EMILIN1: variants seen among roughly 807,000 people sequenced by gnomAD.
EMILIN1 encodes the protein elastin microfibril interfacer 1, also known as EMILIN-1.
Under a neutral mutation model 82.4 loss-of-function variants are expected in EMILIN1, and 49 were observed. The observed-to-expected ratio is 0.59, with a 90% CI of 0.47 to 0.75. EMILIN1 has a LOEUF of 0.75. Ranked by LOEUF, EMILIN1 falls within the 30% of genes least tolerant of loss-of-function variation. The probability of loss-of-function intolerance (pLI) is 0.00; values close to 1 mark genes in which losing one functional copy is unlikely to be tolerated. For missense variants in EMILIN1, 1,313 were observed against 1,366.4 expected (o/e 0.96, Z 0.62); for synonymous variants, 604 against 602.2 (o/e 1.00, Z -0.04).
rs1339452602 is a variant in EMILIN1 at position 27,086,270 on chromosome 2, G to T, written c.*255G>T. ...TCCAGGGCCGGCCTGCGGAGGAGCC[G>T]ATCCTCGCACCCTCCGCTCCCTCCA... is the stretch of plus-strand genomic sequence containing the variant. On this transcript the variant is annotated 3_prime_UTR_variant, in exon 8 of 8. Coordinates refer to ENST00000380320, the MANE Select transcript of EMILIN1 (RefSeq NM_007046.4). The T allele has an allele frequency of 1.1e-5, 4 of 360,416 alleles. No individual in the cohort carries two copies. Among genetic ancestry groups the T allele is most frequent in the Non-Finnish European group, 2.0e-5 (4 of 201,896 alleles). The allele number at this position is 360,416 out of a possible 1,614,324, so 22.3% of individuals were successfully genotyped here. A position where few individuals can be genotyped will look rare whatever the true frequency, so the allele number is the denominator to read the frequency against.
Position 27,082,611 on chromosome 2 carries a change from G to A in EMILIN1, c.1040G>A (p.Arg347His), listed in dbSNP as rs746703619. ...CACCTCGCAGGGCTGGCGGTGGGCC[G>A]CAGGCCCCCTCAGGAATGCTGCTCT... Reference protein sequence around the residue: ...QRHLAGLAVGRRPPQECCSPE... With the variant: ...QRHLAGLAVGHRPPQECCSPE... The change falls in exon 4 of 8, where the codon CGC becomes CAC. Residue 347 changes from arginine (R) to histidine (H), a missense_variant. Coordinates refer to ENST00000380320, the MANE Select transcript of EMILIN1 (RefSeq NM_007046.4). 1.5e-5 allele frequency: 23 copies of A among 1,543,304 alleles called. No individual in the cohort carries two copies. The highest frequency in any genetic ancestry group is 1.2e-4 in the Admixed American group (6 of 51,126).
rs1669449867 is a variant in EMILIN1 at position 27,080,217 on chromosome 2, T to C, written c.237T>C (p.Tyr79=). 1.2e-6 allele frequency: 2 copies of C among 1,613,952 alleles called. No homozygotes were observed. Among genetic ancestry groups the C allele is most frequent in the African/African-American group, 1.3e-5 (1 of 74,924 alleles). The change falls in exon 2 of 8, where the codon TAT becomes TAC. Residue 79 remains tyrosine (Y), a synonymous_variant. Coordinates refer to ENST00000380320, the MANE Select transcript of EMILIN1 (RefSeq NM_007046.4). ...TCCTTGAGGATGGAGTGGAGACATA[T>C]GTCAAGTACCAGCCTTGTGCCTGGG... ...SCVLEDGVET[Y]VKYQPCAWGQ...
At position 27,086,160 on chromosome 2, in the gene EMILIN1, TC is replaced by T; in HGVS notation, c.*149del. ...GCGGCACCGCGCCCAGAGCGGCCTCTCCCCACGCCCGGGGCGCGCCGGCTCA... is the reference window on the plus strand; with the variant it reads ...GCGGCACCGCGCCCAGAGCGGCCTCTCCCACGCCCGGGGCGCGCCGGCTCA... On this transcript the variant is annotated 3_prime_UTR_variant, in exon 8 of 8. Coordinates refer to ENST00000380320, the MANE Select transcript of EMILIN1 (RefSeq NM_007046.4). 1.8e-6 allele frequency: 1 copy of T among 542,696 alleles called. No homozygotes were observed. The highest frequency in any genetic ancestry group is 2.8e-6 in the Non-Finnish European group (1 of 354,368). 33.6% of individuals were successfully genotyped at this position (542,696 alleles called of 1,614,324 possible).
At chr2:27,080,099 C>A in intron 1 of EMILIN1, 52 bp from the exon 2 acceptor site, 1 of 1,605,590 alleles carries the variant, frequency 6.2e-7, no homozygotes, top group Middle Eastern at 1.7e-4. Context: ...CTGGGCCCTC[C>A]TCCAGGGCAT....
rs148756951 is a variant in EMILIN1 at position 27,084,504 on chromosome 2, G to A, written c.2530G>A (p.Gly844Arg). 1.9e-6 allele frequency: 3 copies of A among 1,612,600 alleles called. No individual in the cohort carries two copies. Among genetic ancestry groups the A allele is most frequent in the South Asian group, 2.2e-5 (2 of 91,064 alleles). The change falls in exon 5 of 8, where the codon GGG (glycine) becomes AGG (arginine). Residue 844 changes from glycine to arginine, a missense_variant. By Grantham distance (125) the Gly-to-Arg change is moderately radical (BLOSUM62 -2). Coordinates refer to ENST00000380320, the MANE Select transcript of EMILIN1 (RefSeq NM_007046.4). ...ACCTCCAGGATCACCAGGCAAGGAC[G>A]GGCAAGAGGGCCCCATCGGGCCACC... is the stretch of plus-strand genomic sequence containing the variant. ...AGPPGSPGKDGQEGPIGPPGP... is the reference protein window; with the variant it reads ...AGPPGSPGKDRQEGPIGPPGP...
At position 27,082,899 on chromosome 2, in the gene EMILIN1, G is replaced by T; in HGVS notation, c.1328G>T (p.Arg443Leu). Residue 443 changes from arginine to leucine, a missense_variant, in exon 4 of 8, where the codon CGG becomes CTG. By Grantham distance (102) the Arg-to-Leu change is moderately radical (BLOSUM62 -2). Transcript: ENST00000380320. ...GGLSHWLPAA[R>L]GRLEQLGGLL... ...CTGAGCCACTGGCTGCCTGCTGCCC[G>T]GGGCCGACTAGAGCAGTTGGGGGGG... The T allele has an allele frequency of 6.3e-7, 1 of 1,596,134 alleles. No individual in the cohort carries two copies.
Position 27,083,943 on chromosome 2 carries a change from G to A in EMILIN1, c.2372G>A (p.Gly791Asp). 1 of 1,589,068 alleles carries A rather than the reference G, an allele frequency of 6.3e-7. No homozygotes were observed. The change falls in exon 4 of 8, where the codon GGT becomes GAT. Residue 791 changes from glycine (G) to aspartate (D), a missense_variant. Physicochemically the swap from Gly to Asp is moderately conservative, Grantham distance 94 (BLOSUM62 -1). Transcript: ENST00000380320. ...CAGGCGGGCCTGGGCAGGCGGCTGG[G>A]TGCCCTTAACAGCTCCCTGCAGCTC... is the stretch of plus-strand genomic sequence containing the variant. ...GGQAGLGRRLGALNSSLQLLE... is the reference protein window; with the variant it reads ...GGQAGLGRRLDALNSSLQLLE...
chr2:27,080,904 C>G lies in EMILIN1; in HGVS notation c.463C>G (p.Leu155Val), dbSNP rs776116264. The change falls in exon 3 of 8, where the codon CTC becomes GTC. Residue 155 changes from leucine to valine, a missense_variant. Transcript: ENST00000380320. ...CCTGGCCCGGCCTGCCCGCCCCAAC[C>G]TCTCTGGCTCCAGTGCAGGCAGCCC... ...RPLARPARPN[L>V]SGSSAGSPLS... The G allele has an allele frequency of 6.2e-7, 1 of 1,607,148 alleles. No individual in the cohort carries two copies. Among genetic ancestry groups the G allele is most frequent in the Non-Finnish European group, 8.5e-7 (1 of 1,177,110 alleles).
intron 2 of EMILIN1, 150 bp downstream of exon 2, chr2:27,080,420 A>G: frequency 1.7e-6 from 2 of 1,148,056 alleles, no homozygotes. Flanking sequence ...CTGAGACAAC[A>G]GTTTGGCTGG....
At position 27,083,814 on chromosome 2, in the gene EMILIN1, G is replaced by A. The variant is rs199664509; in HGVS notation, c.2243G>A (p.Arg748His). 136 of 1,599,374 alleles carry A rather than the reference G, an allele frequency of 8.5e-5. No individual in the cohort carries two copies. The highest frequency in any genetic ancestry group is 2.3e-4 in the South Asian group (21 of 90,394). Reference protein sequence around the residue: ...DTVAGGLQGLREGLSRHVAGL... With the variant: ...DTVAGGLQGLHEGLSRHVAGL... The stretch of plus-strand genomic sequence containing the variant: ...GTGGCTGGGGGACTGCAGGGCCTGC[G>A]CGAGGGCCTTTCCAGACACGTGGCT... Residue 748 changes from arginine (R) to histidine (H), a missense_variant, in exon 4 of 8, where the codon CGC becomes CAC. By Grantham distance (29) the Arg-to-His change is conservative. Coordinates refer to ENST00000380320, the MANE Select transcript of EMILIN1 (RefSeq NM_007046.4).
intron 7 of EMILIN1, 45 bp downstream of exon 7, chr2:27,085,342 A>C: frequency 6.2e-7 from 1 of 1,608,770 alleles, no homozygotes; most frequent in Non-Finnish European, 8.5e-7. Context: ...GAAATGGGTG[A>C]GGTGTGCAGT....
chr2:27,083,461 C>T lies in EMILIN1; in HGVS notation c.1890C>T (p.Ser630=). 1 of 1,613,040 alleles carries T rather than the reference C, an allele frequency of 6.2e-7. No individual in the cohort carries two copies. The change falls in exon 4 of 8, where the codon AGC becomes AGT. Residue 630 remains serine, a synonymous_variant. Transcript: ENST00000380320. ...GCCGTGGGCCCCTGGACGGCTTCAG[C>T]GTGTTTGGGGGCAGCTCAGGCTCAG... ...GPSRGPLDGF[S]VFGGSSGSAL... is the part of the protein sequence containing the mutation.
intron 5 of EMILIN1, 47 bp from the exon 6 acceptor site, chr2:27,084,944 A>C (rs1249026016): frequency 6.3e-7 from 1 of 1,593,120 alleles, no homozygotes; most frequent in Non-Finnish European, 8.6e-7. Flanking sequence ...TGAGTGACTT[A>C]GTGAGAGCTG....
In EMILIN1 at chr2:27,082,546, G is replaced by A. The variant is rs752910292; in HGVS notation, c.975G>A (p.Ala325=). Residue 325 remains alanine (A), a synonymous_variant, in exon 4 of 8, where the codon GCG becomes GCA. Transcript: ENST00000380320. The part of the protein sequence containing the change: ...QQQEDRERLR[A]MEKLLASVEE... Reference sequence around the variant, plus strand: ...AGGAGGACAGGGAGCGGCTGCGAGCGATGGAGAAGCTGCTGGCCTCGGTGG... The same window carrying A: ...AGGAGGACAGGGAGCGGCTGCGAGCAATGGAGAAGCTGCTGGCCTCGGTGG... 9.1e-6 allele frequency: 14 copies of A among 1,542,968 alleles called. No individual in the cohort carries two copies. The highest frequency in any genetic ancestry group is 4.9e-5 in the East Asian group (2 of 40,792).
At position 27,083,498 on chromosome 2, in the gene EMILIN1, C is replaced by T. The variant is rs765535997; in HGVS notation, c.1927C>T (p.Leu643=). Residue 643 remains leucine, a synonymous_variant, in exon 4 of 8, where the codon CTG becomes TTG. Transcript: ENST00000380320. Reference sequence around the variant, plus strand: ...CAGCTCAGGCTCAGCCCTGCAGGCCCTGCAAGGAGAGCTCTCTGAGGTTAT... The same window carrying T: ...CAGCTCAGGCTCAGCCCTGCAGGCCTTGCAAGGAGAGCTCTCTGAGGTTAT... The part of the protein sequence containing the change: ...GGSSGSALQA[L]QGELSEVILS... The T allele has an allele frequency of 7.4e-6, 12 of 1,613,830 alleles. No homozygotes were observed. Among genetic ancestry groups the T allele is most frequent in the African/African-American group, 1.3e-5 (1 of 75,066 alleles).
chr2:27,081,473 C>T (rs1669475791), intron 3 of EMILIN1, among the ~76,000 whole-genome samples: 1 of 152,118 alleles, frequency 6.6e-6, no homozygotes, highest in Non-Finnish European at 1.5e-5. Flanking sequence ...TGTTTCCCTG[C>T]CCCGAGATAG....
In EMILIN1 at chr2:27,082,577, C is replaced by A; in HGVS notation, c.1006C>A (p.Arg336=). ...GAAGCTGCTGGCCTCGGTGGAGGAG[C>A]GGCAACGGCACCTCGCAGGGCTGGC... ...MEKLLASVEE[R]QRHLAGLAVG... is the part of the protein sequence containing the mutation. Residue 336 remains arginine, a synonymous_variant, in exon 4 of 8, where the codon CGG becomes AGG. Transcript: ENST00000380320. 7 of 1,542,096 alleles carry A rather than the reference C, an allele frequency of 4.5e-6. No homozygotes were observed. Among genetic ancestry groups the A allele is most frequent in the South Asian group, 1.2e-5 (1 of 83,894 alleles).
In EMILIN1 at chr2:27,083,968, C is replaced by T; in HGVS notation, c.2397C>T (p.Leu799=). ...RLGALNSSLQ[L]LEDRLHQLSL... is the part of the protein sequence containing the mutation. ...GTGCCCTTAACAGCTCCCTGCAGCT[C>T]CTGGAGGACCGTCTGCACCAGCTCA... The change falls in exon 4 of 8, where the codon CTC becomes CTT. Residue 799 remains leucine, a synonymous_variant. Coordinates refer to ENST00000380320, the MANE Select transcript of EMILIN1 (RefSeq NM_007046.4). 6.4e-7 allele frequency: 1 copy of T among 1,552,398 alleles called. No homozygotes were observed. Among genetic ancestry groups the T allele is most frequent in the South Asian group, 1.2e-5 (1 of 82,976 alleles).
At position 27,082,829 on chromosome 2, in the gene EMILIN1, C is replaced by T. The variant is rs1332041738; in HGVS notation, c.1258C>T (p.Pro420Ser). 6.4e-7 allele frequency: 1 copy of T among 1,568,542 alleles called. No individual in the cohort carries two copies. Residue 420 changes from proline to serine, a missense_variant, in exon 4 of 8, where the codon CCT becomes TCT. Pro to Ser is a moderately conservative substitution (Grantham distance 74). Coordinates refer to ENST00000380320, the MANE Select transcript of EMILIN1 (RefSeq NM_007046.4). ...LEDRFNSTLG[P>S]SEEQEESWPG... ...GGACCGCTTCAACTCCACCCTGGGC[C>T]CTTCGGAGGAGCAGGAGGAGAGCTG...
Sources: gnomAD v4.1 joint callset for allele counts (sites outside exome capture counted in the v4.1 genomes callset) on GRCh38, gnomAD v4.1.1 for gene constraint, MANE v1.5 for transcripts, NCBI Gene and HGNC (gene_info 2026-07-23, HGNC 2026-07-21) for gene names.